Variants in KCNJ3 observed in about 807,000 individuals in gnomAD.
KCNJ3 encodes potassium inwardly rectifying channel subfamily J member 3.
In KCNJ3, 4 loss-of-function variants were observed where a neutral mutation model predicts 39.2. The observed-to-expected ratio is 0.10, with a 90% CI of 0.05 to 0.23. The LOEUF is 0.23. Among genes scored for constraint, KCNJ3 ranks in the 10% least tolerant of loss-of-function variants. KCNJ3 has a pLI of 1.00. For synonymous variants in KCNJ3, 230 were observed against 237.4 expected (o/e 0.97, Z 0.29); for missense variants, 276 against 634.9 (o/e 0.43, Z 6.08).
chr2:154,782,983 C>G (rs1214631090), intron 2 of KCNJ3, among the ~76,000 whole-genome samples: 1 of 152,094 alleles, frequency 6.6e-6, no homozygotes, highest in Admixed American at 6.5e-5. Context: ...TCGAGACCAG[C>G]CTGCCCAACA....
intron 2 of KCNJ3, among the ~76,000 whole-genome samples, chr2:154,798,813 A>G (rs1430118914): frequency 1.3e-5 from 2 of 152,164 alleles, no homozygotes; most frequent in Admixed American, 6.6e-5. Context: ...TGTTTATAGC[A>G]CACTGTTTTC....
chr2:154,840,273 G>A (rs945330990), intron 2 of KCNJ3, among the ~76,000 whole-genome samples: 2 of 152,024 alleles, frequency 1.3e-5, no homozygotes, highest in Non-Finnish European at 2.9e-5. Context: ...TATTTCTGGG[G>A]GCTCTGTTCT....
At chr2:154,787,646 A>T (rs1686556156) in intron 2 of KCNJ3, among the ~76,000 whole-genome samples, 1 of 152,190 alleles carries the variant, frequency 6.6e-6, no homozygotes, top group African/African-American at 2.4e-5. Context: ...GCAAAGCCAT[A>T]TCTCGGTGGA....
intron 1 of KCNJ3, among the ~76,000 whole-genome samples, chr2:154,703,479 A>ATGTG (rs3138640): frequency 0.13 from 19,310 of 148,146 alleles, 1,300 homozygotes; most frequent in African/African-American, 0.18. Flanking sequence ...CTCCATATAT[A>ATGTG]TGTGTGTGTG....
chr2:154,846,305 A>AAT (rs1489401723), intron 2 of KCNJ3, among the ~76,000 whole-genome samples: 1 of 152,210 alleles, frequency 6.6e-6, no homozygotes, highest in Non-Finnish European at 1.5e-5. Context: ...GTTTCTGAGA[A>AAT]ATTAAATGAT....
rs974844915 is a variant in KCNJ3, at chr2:154,715,434, C to G, written c.919+5615C>G. On this transcript the variant is annotated intron_variant, in intron 2 of 2. Transcript: ENST00000295101. Reference sequence around the variant, plus strand: ...TTGTGATCATGTCATTTTTCACTGCCTAGGATAGGATTTCTGCCTTTTCTC... The same window carrying G: ...TTGTGATCATGTCATTTTTCACTGCGTAGGATAGGATTTCTGCCTTTTCTC... Among the ~76,000 whole-genome samples the G allele has an allele frequency of 1.1e-4, 16 of 152,134 alleles. 1 individual carries two copies. Among genetic ancestry groups the G allele is most frequent in the Admixed American group, 9.2e-4 (14 of 15,262 alleles).
chr2:154,798,839 G>A (rs1423915514), intron 2 of KCNJ3, among the ~76,000 whole-genome samples: 1 of 152,044 alleles, frequency 6.6e-6, no homozygotes, highest in Admixed American at 6.6e-5. Flanking sequence ...GTTATCCATT[G>A]ATAGAAAATT....
intron 2 of KCNJ3, among the ~76,000 whole-genome samples, chr2:154,789,271 A>T (rs1469314450): frequency 6.6e-6 from 1 of 152,090 alleles, no homozygotes; most frequent in African/African-American, 2.4e-5. Context: ...GACAGTGGTC[A>T]TGGGGGAAAT....
intron 2 of KCNJ3, among the ~76,000 whole-genome samples, chr2:154,745,566 T>C (rs1685726335): frequency 6.6e-6 from 1 of 152,086 alleles, no homozygotes; most frequent in Non-Finnish European, 1.5e-5. Flanking sequence ...ATTTCTTTGT[T>C]GCCACTATTT....
rs185191342 is a variant in KCNJ3 at position 154,748,321 on chromosome 2, A to T, written c.919+38502A>T. Among the ~76,000 whole-genome samples the T allele has an allele frequency of 5.8e-4, 89 of 152,164 alleles. 3 individuals carry two copies. Among genetic ancestry groups the T allele is most frequent in the Admixed American group, 5.6e-3 (86 of 15,244 alleles). On this transcript the variant is annotated intron_variant, in intron 2 of 2. Transcript: ENST00000295101. ...CTTCTCTCTTTCATGTGCTAGGGATATAGTGGCCTTTCAAATAAAACTTGC... is the reference window on the plus strand; with the variant it reads ...CTTCTCTCTTTCATGTGCTAGGGATTTAGTGGCCTTTCAAATAAAACTTGC...
chr2:154,790,204 G>T (rs967074674), intron 2 of KCNJ3, among the ~76,000 whole-genome samples: 25 of 152,050 alleles, frequency 1.6e-4, no homozygotes, highest in Non-Finnish European at 3.1e-4. Context: ...TCAACGTAAA[G>T]CAGAGAACTA....
intron 2 of KCNJ3, among the ~76,000 whole-genome samples, chr2:154,753,646 T>A (rs934777711): frequency 1.3e-5 from 2 of 152,130 alleles, no homozygotes; most frequent in African/African-American, 4.8e-5. Flanking sequence ...AAAATGTGTA[T>A]TTGACAACTC....
chr2:154,770,117 A>G (rs1039992881), intron 2 of KCNJ3, among the ~76,000 whole-genome samples: 1 of 152,194 alleles, frequency 6.6e-6, no homozygotes, highest in Admixed American at 6.5e-5. Context: ...TGTCATCGGG[A>G]GCCAATTCAA....
At chr2:154,729,607 A>G (rs1685417839) in intron 2 of KCNJ3, among the ~76,000 whole-genome samples, 1 of 152,150 alleles carries the variant, frequency 6.6e-6, no homozygotes, top group Non-Finnish European at 1.5e-5. Flanking sequence ...CATTATATGA[A>G]CCATCTGCAG....
At chr2:154,739,124 G>T (rs964278208) in intron 2 of KCNJ3, among the ~76,000 whole-genome samples, 2 of 152,100 alleles carry the variant, frequency 1.3e-5, no homozygotes, top group African/African-American at 4.8e-5. Context: ...AGATCCTCAG[G>T]TGCTGTTTTT....
intron 2 of KCNJ3, among the ~76,000 whole-genome samples, chr2:154,852,520 G>A (rs750374560): frequency 6.6e-6 from 1 of 152,108 alleles, no homozygotes; most frequent in Non-Finnish European, 1.5e-5. Flanking sequence ...TAGAATGACA[G>A]TGGCTGCTTT....
rs554993336 is a variant in KCNJ3 at position 154,829,911 on chromosome 2, G to A, written c.920-24816G>A. 2.0e-5 allele frequency among the ~76,000 whole-genome samples: 3 copies of A among 152,128 alleles called. No individual in the cohort carries two copies. In the South Asian group the frequency reaches 6.2e-4, roughly 32 times the overall value. Reference sequence around the variant, plus strand: ...GATGTTGAGCACTTTTTATATGCTTGTTGGTGACAGATATATCTTCTTTGG... The same window carrying A: ...GATGTTGAGCACTTTTTATATGCTTATTGGTGACAGATATATCTTCTTTGG... On this transcript the variant is annotated intron_variant, in intron 2 of 2. Transcript: ENST00000295101.
intron 2 of KCNJ3, among the ~76,000 whole-genome samples, chr2:154,837,003 A>G (rs1687477447): frequency 6.6e-6 from 1 of 152,216 alleles, no homozygotes; most frequent in Non-Finnish European, 1.5e-5. Flanking sequence ...GTGTATTTTA[A>G]AGGTGATCAA....
intron 2 of KCNJ3, among the ~76,000 whole-genome samples, chr2:154,710,422 A>C (rs934660627): frequency 6.6e-6 from 1 of 152,164 alleles, no homozygotes; most frequent in Non-Finnish European, 1.5e-5. Context: ...GCTATGTGCT[A>C]TATGTTTCTC....
Sources: allele counts gnomAD v4.1 joint callset (sites outside exome capture counted in the v4.1 genomes callset), GRCh38; gene constraint gnomAD v4.1.1; transcripts MANE v1.5; gene names NCBI Gene and HGNC (gene_info 2026-07-23, HGNC 2026-07-21).